The following POLN variants were observed in gnomAD, a reference collection of about 807,000 sequenced individuals.
POLN encodes the protein DNA polymerase N.
POLN carries 108 observed loss-of-function variants against 113.5 expected under a neutral mutation model. The ratio of observed to expected loss-of-function variants is 0.95; its 90% CI spans 0.81 to 1.12. The LOEUF (loss-of-function observed/expected upper bound fraction) is 1.12. Among genes scored for constraint, POLN ranks in the 50% most tolerant of loss-of-function variants. POLN has a pLI of 0.00. For missense variants in POLN, 1,097 were observed against 1,077.1 expected (o/e 1.02, Z -0.26); for synonymous variants, 386 against 391.5 (o/e 0.99, Z 0.17).
chr4:2,128,186 C>T lies in POLN; in HGVS notation c.1909G>A (p.Gly637Arg). 1 of 1,612,446 alleles carries T rather than the reference C, an allele frequency of 6.2e-7. No individual in the cohort carries two copies. Among genetic ancestry groups the T allele is most frequent in the Non-Finnish European group, 8.5e-7 (1 of 1,178,568 alleles). Reference sequence around the variant, plus strand: ...AATAACTTCAGAAGTTCCGGATCTCCAGATAAATGTGTAAGAATGCGCAAT... The same window carrying T: ...AATAACTTCAGAAGTTCCGGATCTCTAGATAAATGTGTAAGAATGCGCAAT... ...IELRILTHLS[G>R]DPELLKLFQE... Residue 637 changes from glycine (G) to arginine (R), a missense_variant, in exon 19 of 26, where the codon GGA becomes AGA. Coordinates refer to ENST00000511885, the MANE Select transcript of POLN (RefSeq NM_181808.4).
intron 19 of POLN, among the ~76,000 whole-genome samples, chr4:2,107,396 A>G (rs1185512216): frequency 1.3e-5 from 2 of 152,160 alleles, no homozygotes; most frequent in Admixed American, 1.3e-4. Context: ...TGAGTCTCAC[A>G]GGGGTGCTTT....
At chr4:2,184,003 G>A (rs547941087) in intron 7 of POLN, among the ~76,000 whole-genome samples, 6 of 151,596 alleles carry the variant, frequency 4.0e-5, no homozygotes, top group South Asian at 2.1e-4. Context: ...ACAGGCGCAC[G>A]CCATCATGCC....
At chr4:2,089,336 G>C in intron 20 of POLN, 1 of 1,391,036 alleles carries the variant, frequency 7.2e-7, no homozygotes, top group South Asian at 1.3e-5. Flanking sequence ...GATATTCCTG[G>C]TGAAGACTGA....
intron 3 of POLN, among the ~76,000 whole-genome samples, chr4:2,223,911 G>C (rs1734322731): frequency 6.6e-6 from 1 of 152,082 alleles, no homozygotes; most frequent in South Asian, 2.1e-4. Context: ...CACTGATGTA[G>C]ACTTCACAAA....
At position 2,177,620 on chromosome 4, in the gene POLN, G is replaced by A. The variant is rs113775633; in HGVS notation, c.1180-1286C>T. Among the ~76,000 whole-genome samples, 791 of 152,288 alleles carry A rather than the reference G, an allele frequency of 5.2e-3. 7 individuals are homozygous for A. Among genetic ancestry groups the A allele is most frequent in the African/African-American group, 0.016 (680 of 41,560 alleles). Reference sequence around the variant, plus strand: ...TGAACCCTGGCCTCAATTTGACCCTGGGCAAGGCACATGTACGTTAACCTT... The same window carrying A: ...TGAACCCTGGCCTCAATTTGACCCTAGGCAAGGCACATGTACGTTAACCTT... On this transcript the variant is annotated intron_variant, in intron 8 of 25. Coordinates refer to ENST00000511885, the MANE Select transcript of POLN (RefSeq NM_181808.4).
At chr4:2,085,292 T>C (rs1356054727) in intron 21 of POLN, among the ~76,000 whole-genome samples, 3 of 152,218 alleles carry the variant, frequency 2.0e-5, no homozygotes, top group East Asian at 1.9e-4. Context: ...GTGGTGATAT[T>C]TGTAAATATT....
intron 19 of POLN, among the ~76,000 whole-genome samples, chr4:2,119,566 C>A (rs1731394271): frequency 6.6e-6 from 1 of 152,168 alleles, no homozygotes; most frequent in South Asian, 2.1e-4. Context: ...TCTTTGATTT[C>A]TTCCTAACTC....
rs766121029 is a variant in POLN, at chr4:2,085,711, G to C, written c.2099C>G (p.Pro700Arg). The C allele has an allele frequency of 3.1e-6, 5 of 1,614,000 alleles. No homozygotes were observed. Among genetic ancestry groups the C allele is most frequent in the Non-Finnish European group, 4.2e-6 (5 of 1,180,026 alleles). The change falls in exon 21 of 26, where the codon CCT (proline) becomes CGT (arginine). Residue 700 changes from proline to arginine, a missense_variant. Coordinates refer to ENST00000511885, the MANE Select transcript of POLN (RefSeq NM_181808.4). ...KERLAACLGV[P>R]IQEAAQFLES... Reference sequence around the variant, plus strand: ...CAAAAACTGGGCAGCTTCCTGAATAGGAACTCCAAGGCAAGCAGCCAGCCG... The same window carrying C: ...CAAAAACTGGGCAGCTTCCTGAATACGAACTCCAAGGCAAGCAGCCAGCCG...
At chr4:2,109,314 T>C (rs534138647) in intron 19 of POLN, among the ~76,000 whole-genome samples, 1 of 152,216 alleles carries the variant, frequency 6.6e-6, no homozygotes, top group East Asian at 1.9e-4. Flanking sequence ...AAATAATGTA[T>C]GGTAATCAAT....
In POLN at chr4:2,081,663, C is replaced by T. The variant is rs1271176751; in HGVS notation, c.2278G>A (p.Glu760Lys). The T allele has an allele frequency of 1.2e-6, 2 of 1,614,226 alleles. No homozygotes were observed. Among genetic ancestry groups the T allele is most frequent in the East Asian group, 4.5e-5 (2 of 44,882 alleles). ...AHDQQLRAQA[E>K]RQAVNFVVQG... is the part of the protein sequence containing the mutation. ...ACCACGAAGTTCACTGCCTGTCGCT[C>T]TGCTTGTGCCCGGAGTTGCTGGTCA... Residue 760 changes from glutamate (E) to lysine (K), a missense_variant, in exon 22 of 26, where the codon GAG (glutamate) becomes AAG (lysine). Coordinates refer to ENST00000511885, the MANE Select transcript of POLN (RefSeq NM_181808.4).
chr4:2,235,957 G>A (rs1026310467), intron 2 of POLN, among the ~76,000 whole-genome samples: 3 of 151,424 alleles, frequency 2.0e-5, no homozygotes, highest in Admixed American at 6.6e-5. Context: ...ATACAGAGGC[G>A]GTTTTATTTA....
intron 16 of POLN, among the ~76,000 whole-genome samples, chr4:2,133,161 A>AT (rs1553896589): frequency 6.7e-5 from 10 of 149,412 alleles, no homozygotes; most frequent in East Asian, 3.9e-4. Flanking sequence ...AAAAAAAAAA[A>AT]AATAACATGC....
chr4:2,167,220 C>T (rs747375562), intron 13 of POLN, among the ~76,000 whole-genome samples: 8 of 152,132 alleles, frequency 5.3e-5, no homozygotes, highest in Admixed American at 2.0e-4. Flanking sequence ...GTCAAGGGGT[C>T]GCAGAAGCAA....
chr4:2,148,537 T>G (rs1305552312), intron 16 of POLN, among the ~76,000 whole-genome samples: 2 of 152,026 alleles, frequency 1.3e-5, no homozygotes, highest in African/African-American at 2.4e-5. Context: ...CATGGTGGCA[T>G]GCGCCTGTAA....
chr4:2,208,911 T>C (rs149826864), intron 4 of POLN, among the ~76,000 whole-genome samples: 50 of 151,730 alleles, frequency 3.3e-4, no homozygotes, highest in African/African-American at 1.2e-3. Context: ...TCACTTGAAT[T>C]CAGGAGGTGG....
chr4:2,112,383 A>C (rs1420235134), intron 19 of POLN, among the ~76,000 whole-genome samples: 5 of 152,240 alleles, frequency 3.3e-5, no homozygotes, highest in Non-Finnish European at 7.3e-5. Context: ...AAATTGACAA[A>C]TGGGATCTAA....
At chr4:2,147,284 T>G (rs1042812925) in intron 16 of POLN, among the ~76,000 whole-genome samples, 2 of 152,104 alleles carry the variant, frequency 1.3e-5, no homozygotes. Flanking sequence ...CAAAGCCACG[T>G]GTGATAAGGA....
In POLN at chr4:2,240,148, G is replaced by A. The variant is rs769131863; in HGVS notation, c.-13+1372C>T. On this transcript the variant is annotated intron_variant, in intron 2 of 25. Transcript: ENST00000511885. ...TGATGTTGAGCACAAATGTATGCGA[G>A]CTGCAGTCTAGCCATCTCTAGTCGT... 5.0e-6 allele frequency: 8 copies of A among 1,613,670 alleles called. No homozygotes were observed. The South Asian group carries it at 8.8e-5, about 18-fold the overall frequency.
intron 22 of POLN, chr4:2,081,396 C>T (rs1730413344): frequency 3.2e-6 from 2 of 623,668 alleles, no homozygotes; most frequent in Admixed American, 5.5e-5. Context: ...ACAGTACTGC[C>T]TGGGCCCAGT....
Sources: gnomAD v4.1 joint callset for allele counts (sites outside exome capture counted in the v4.1 genomes callset) on GRCh38, gnomAD v4.1.1 for gene constraint, MANE v1.5 for transcripts, NCBI Gene and HGNC (gene_info 2026-07-23, HGNC 2026-07-21) for gene names.